The following NBN variants were observed in gnomAD, a reference collection of about 807,000 sequenced individuals.
NBN encodes Nijmegen breakage syndrome 1 (nibrin).
NBN carries 88 observed loss-of-function variants against 90.8 expected under a neutral mutation model. The ratio of observed to expected loss-of-function variants is 0.97; its 90% CI spans 0.82 to 1.16. The LOEUF (loss-of-function observed/expected upper bound fraction) is 1.16, where lower values mean the gene tolerates loss of function less well. Among genes scored for constraint, NBN ranks in the 50% most tolerant of loss-of-function variants. The probability of loss-of-function intolerance (pLI) is 0.00; values close to 1 mark genes in which losing one functional copy is unlikely to be tolerated. For missense variants in NBN, 894 were observed against 869.6 expected (o/e 1.03, Z -0.35); for synonymous variants, 328 against 295.1 (o/e 1.11, Z -1.14).
At chr8:89,946,862 A>G (rs1285324202) in intron 12 of NBN, among the ~76,000 whole-genome samples, 1 of 152,156 alleles carries the variant, frequency 6.6e-6, no homozygotes, top group East Asian at 1.9e-4. Context: ...TTGCCTCAAG[A>G]GTCCTTCCTG....
chr8:89,976,479 T>C (rs1455344806), intron 5 of NBN, among the ~76,000 whole-genome samples: 1 of 152,254 alleles, frequency 6.6e-6, no homozygotes, highest in African/African-American at 2.4e-5. Context: ...GCTCGGAACC[T>C]GGCCTTTAAT....
At chr8:89,977,686 C>G (rs1336817044) in intron 5 of NBN, among the ~76,000 whole-genome samples, 1 of 152,196 alleles carries the variant, frequency 6.6e-6, no homozygotes, top group African/African-American at 2.4e-5. Context: ...TTTACACCCC[C>G]ACCAACAGTG....
At chr8:89,958,945 T>C in intron 8 of NBN, 91 bp from the exon 9 acceptor site, 1 of 1,507,122 alleles carries the variant, frequency 6.6e-7, no homozygotes, top group Non-Finnish European at 9.2e-7. Flanking sequence ...TATACCATGC[T>C]GAGGGGATTA....
Position 89,937,028 on chromosome 8 carries a change from A to C in NBN, c.2232T>G (p.Phe744Leu). 6.2e-7 allele frequency: 1 copy of C among 1,608,660 alleles called. No individual in the cohort carries two copies. Among genetic ancestry groups the C allele is most frequent in the Non-Finnish European group, 8.5e-7 (1 of 1,175,720 alleles). ...AKEESLADDL[F>L]RYNPYLKRRR ...GAGAAAGGTGAATCAAACTTTACCT[A>C]AAAAGATCATCAGCAAGAGACTCTT... The change falls in exon 15 of 16, where the codon TTT becomes TTG. Residue 744 changes from phenylalanine (F) to leucine (L), a missense_variant and splice_region_variant. By Grantham distance (22) the Phe-to-Leu change is conservative (BLOSUM62 0). Coordinates refer to ENST00000265433, the MANE Select transcript of NBN (RefSeq NM_002485.5).
At position 89,976,367 on chromosome 8, in the gene NBN, G is replaced by A. The variant is rs970475078; in HGVS notation, c.584+1853C>T. Among the ~76,000 whole-genome samples, 4 of 152,298 alleles carry A rather than the reference G, an allele frequency of 2.6e-5. No individual in the cohort carries two copies. The East Asian group carries it at 5.8e-4, about 22-fold the overall frequency. Reference sequence around the variant, plus strand: ...GGCCAAAAGGTTTTACATCAGTTTCGGAACAGGATTTGGCTGAAAGCAGCC... The same window carrying A: ...GGCCAAAAGGTTTTACATCAGTTTCAGAACAGGATTTGGCTGAAAGCAGCC... On this transcript the variant is annotated intron_variant, in intron 5 of 15. Transcript: ENST00000265433.
chr8:89,963,152 G>A (rs930892820), intron 8 of NBN, among the ~76,000 whole-genome samples: 5 of 151,878 alleles, frequency 3.3e-5, no homozygotes, highest in African/African-American at 9.7e-5. Flanking sequence ...GGTTACTAAC[G>A]ATCTACATAC....
intron 10 of NBN, among the ~76,000 whole-genome samples, chr8:89,954,913 A>C (rs539671815): frequency 6.6e-6 from 1 of 152,156 alleles, no homozygotes; most frequent in South Asian, 2.1e-4. Context: ...TGGGATGATC[A>C]ATATATTCAA....
At chr8:89,968,078 C>T (rs1811333160) in intron 7 of NBN, among the ~76,000 whole-genome samples, 1 of 152,004 alleles carries the variant, frequency 6.6e-6, no homozygotes, top group African/African-American at 2.4e-5. Flanking sequence ...GGCAACATGG[C>T]AAAACCCAGT....
intron 14 of NBN, among the ~76,000 whole-genome samples, chr8:89,940,631 A>AC (rs1178041733): frequency 1.3e-5 from 2 of 152,068 alleles, no homozygotes; most frequent in Non-Finnish European, 2.9e-5. Flanking sequence ...AGAGGAAAAA[A>AC]AAAAAAAGGG....
At chr8:89,960,359 ATAATT>A (rs1298216490) in intron 8 of NBN, among the ~76,000 whole-genome samples, 1 of 152,222 alleles carries the variant, frequency 6.6e-6, no homozygotes, top group Non-Finnish European at 1.5e-5. Flanking sequence ...TCATCACTGA[ATAATT>A]TAATGTAGGC....
At chr8:89,967,820 G>A (rs1811323211) in intron 7 of NBN, among the ~76,000 whole-genome samples, 3 of 152,140 alleles carry the variant, frequency 2.0e-5, no homozygotes, top group Admixed American at 2.0e-4. Flanking sequence ...CAATCACAAT[G>A]TTGCCCTGTT....
At chr8:89,969,674 G>A (rs13312883) in intron 7 of NBN, among the ~76,000 whole-genome samples, 4,327 of 152,158 alleles carry the variant, frequency 0.028, 182 homozygotes, top group African/African-American at 0.096. Context: ...TGTATCGGCC[G>A]GGCGCAGTAG....
intron 4 of NBN, among the ~76,000 whole-genome samples, chr8:89,980,012 C>T (rs1805839): frequency 0.071 from 10,768 of 152,132 alleles, 507 homozygotes; most frequent in East Asian, 0.19. Flanking sequence ...TGTAAATCTA[C>T]TATTTGTAAG....
At chr8:89,981,718 A>G (rs1812078973) in intron 2 of NBN, 195 bp from the exon 3 acceptor site, 2 of 635,166 alleles carry the variant, frequency 3.1e-6, no homozygotes, top group Non-Finnish European at 5.3e-6. Context: ...GAAGTTTCTT[A>G]ACCCAGGAAT....
At chr8:89,979,356 G>A (rs978230780) in intron 4 of NBN, among the ~76,000 whole-genome samples, 1 of 152,154 alleles carries the variant, frequency 6.6e-6, no homozygotes, top group Non-Finnish European at 1.5e-5. Context: ...TCTCAAGAAT[G>A]GAACCTGAAA....
intron 2 of NBN, chr8:89,982,386 G>A: frequency 2.8e-6 from 1 of 356,654 alleles, no homozygotes; most frequent in Non-Finnish European, 5.3e-6. Context: ...ACACATTACT[G>A]CTAATGGCAA....
At chr8:89,954,612 A>G (rs1317088931) in intron 10 of NBN, among the ~76,000 whole-genome samples, 1 of 152,154 alleles carries the variant, frequency 6.6e-6, no homozygotes, top group Non-Finnish European at 1.5e-5. Flanking sequence ...AACAGCATGA[A>G]ACCCCTGTGG....
intron 5 of NBN, among the ~76,000 whole-genome samples, chr8:89,976,433 C>T (rs1313189261): frequency 2.0e-5 from 3 of 152,252 alleles, no homozygotes; most frequent in African/African-American, 2.4e-5. Flanking sequence ...GGTTAGATAA[C>T]GGGATGTTAA....
chr8:89,947,876 C>A lies in NBN; in HGVS notation c.1862G>T (p.Gly621Val). 6.4e-7 allele frequency: 1 copy of A among 1,570,988 alleles called. No individual in the cohort carries two copies. The highest frequency in any genetic ancestry group is 8.7e-7 in the Non-Finnish European group (1 of 1,146,598). ...GTCTTCCTTGAGTTCACGTTTCTTC[C>A]CAATTTCATTTTCTTGCTAAAGAAA... ...SSKISQENEIGKKRELKEDSL... is the reference protein window; with the variant it reads ...SSKISQENEIVKKRELKEDSL... Residue 621 changes from glycine (G) to valine (V), a missense_variant, in exon 12 of 16, where the codon GGG becomes GTG. Physicochemically the swap from Gly to Val is moderately radical, Grantham distance 109 (BLOSUM62 -3). Coordinates refer to ENST00000265433, the MANE Select transcript of NBN (RefSeq NM_002485.5).
Sources: gnomAD v4.1 joint callset for allele counts (sites outside exome capture counted in the v4.1 genomes callset) on GRCh38, gnomAD v4.1.1 for gene constraint, MANE v1.5 for transcripts, NCBI Gene and HGNC (gene_info 2026-07-23, HGNC 2026-07-21) for gene names.